The following CECR2 variants were observed in gnomAD, a reference collection of about 807,000 sequenced individuals.
CECR2 encodes the protein CECR2 histone acetyl-lysine reader, also known as chromatin remodeling regulator CECR2.
CECR2 carries 30 observed loss-of-function variants against 154.5 expected under a neutral mutation model. That is an observed-to-expected ratio of 0.19 (90% CI 0.15 to 0.26). The LOEUF (loss-of-function observed/expected upper bound fraction) is 0.26, where lower values mean the gene tolerates loss of function less well. Among genes scored for constraint, CECR2 ranks in the 10% least tolerant of loss-of-function variants. The pLI is 1.00. For missense variants in CECR2, 1,743 were observed against 1,829.3 expected (o/e 0.95, Z 0.86); for synonymous variants, 725 against 683.7 (o/e 1.06, Z -0.94).
At chr22:17,549,699 A>C in intron 17 of CECR2, 135 bp downstream of exon 17, 1 of 702,530 alleles carries the variant, frequency 1.4e-6, no homozygotes, top group Non-Finnish European at 2.3e-6. Flanking sequence ...GGCGGCATCG[A>C]CCTCCCAGGC....
chr22:17,540,777 C>G lies in CECR2; in HGVS notation c.1861C>G (p.Gln621Glu). 6.3e-7 allele frequency: 1 copy of G among 1,582,850 alleles called. No homozygotes were observed. The highest frequency in any genetic ancestry group is 8.6e-7 in the Non-Finnish European group (1 of 1,164,174). Residue 621 changes from glutamine (Q) to glutamate (E), a missense_variant, in exon 14 of 19, where the codon CAG becomes GAG. Around this residue, in one of 4 missense-constraint regions of CECR2, gnomAD observed 1,250 missense variants for 1,192.1 expected, o/e 1.05. Transcript: ENST00000262608. ...CCTGCATTGTGGTGGGACACCCAGC[C>G]AGGCACCCTTTTTAAACCAGATGGT... ...HPLHCGGTPSQAPFLNQMRPA... is the reference protein window; with the variant it reads ...HPLHCGGTPSEAPFLNQMRPA...
In CECR2 at chr22:17,433,074, A is replaced by G. The variant is rs1240906729; in HGVS notation, c.127-44514A>G. 5.3e-5 allele frequency among the ~76,000 whole-genome samples: 8 copies of G among 152,332 alleles called. No individual in the cohort carries two copies. In the East Asian group the frequency reaches 1.5e-3, roughly 29 times the overall value. ...ACATTTCTGGTTGCCTAAGTACTGC[A>G]CTGATTTTTGGGTGGAATCCTTTAT... On this transcript the variant is annotated intron_variant, in intron 1 of 18. Transcript: ENST00000262608.
At chr22:17,481,857 C>A (rs1405891440) in intron 2 of CECR2, among the ~76,000 whole-genome samples, 3 of 152,128 alleles carry the variant, frequency 2.0e-5, no homozygotes, top group Admixed American at 1.3e-4. Flanking sequence ...TGGCTCACGC[C>A]TGTAATCCTA....
At chr22:17,453,675 C>T (rs1307854521) in intron 1 of CECR2, among the ~76,000 whole-genome samples, 1 of 152,056 alleles carries the variant, frequency 6.6e-6, no homozygotes, top group Non-Finnish European at 1.5e-5. Context: ...ATGACTGGCA[C>T]AAGAATTATA....
intron 1 of CECR2, among the ~76,000 whole-genome samples, chr22:17,438,268 G>A (rs5746380): frequency 0.14 from 20,867 of 152,146 alleles, 1,673 homozygotes; most frequent in South Asian, 0.25. Context: ...TGTGTTTATT[G>A]TAGACAAGCT....
At position 17,370,357 on chromosome 22, in the gene CECR2, C is replaced by G. The variant is rs1280472406; in HGVS notation, c.126+448C>G. ...CGCGCGGGATTAACTCGGACCGGGGCGGGAGTCGGCCGCGGCCGGCGGGGA... is the reference window on the plus strand; with the variant it reads ...CGCGCGGGATTAACTCGGACCGGGGGGGGAGTCGGCCGCGGCCGGCGGGGA... On this transcript the variant is annotated intron_variant, in intron 1 of 18. Transcript: ENST00000262608. Among the ~76,000 whole-genome samples, 488 of 146,374 alleles carry G rather than the reference C, an allele frequency of 3.3e-3. 4 individuals carry two copies. Among genetic ancestry groups the G allele is most frequent in the African/African-American group, 0.012 (458 of 39,126 alleles).
At chr22:17,364,719 C>A (rs2062992989), upstream of CECR2, among the ~76,000 whole-genome samples, 1 of 152,080 alleles carries the variant, frequency 6.6e-6, no homozygotes, top group Non-Finnish European at 1.5e-5. Context: ...TGCCACGCAC[C>A]TATAGGCTGA....
At chr22:17,490,309 G>C (rs1254992224) in intron 2 of CECR2, among the ~76,000 whole-genome samples, 1 of 151,980 alleles carries the variant, frequency 6.6e-6, no homozygotes, top group East Asian at 1.9e-4. Context: ...ATAGTCCTGG[G>C]AAGTTGTTCC....
chr22:17,366,984 T>C (rs780784541), upstream of CECR2, among the ~76,000 whole-genome samples: 2 of 152,012 alleles, frequency 1.3e-5, no homozygotes, highest in Non-Finnish European at 2.9e-5. Context: ...GGGTCTAAAG[T>C]TGGTGTGCTG....
rs564089805 is a variant in CECR2, at chr22:17,419,749, T to G, written c.126+49840T>G. ...TAAATTTGGTCCCAACAAGATGACA[T>G]AGGTTTGTAAAAAGATGATGGGGAT... On this transcript the variant is annotated intron_variant, in intron 1 of 18. Transcript: ENST00000262608. 9 of 200,646 alleles carry G rather than the reference T, an allele frequency of 4.5e-5. No homozygotes were observed. In the East Asian group the frequency reaches 1.0e-3, roughly 22 times the overall value. 12.4% of individuals were successfully genotyped at this position (200,646 alleles called of 1,614,324 possible).
At chr22:17,360,979 A>G (rs551200406) in intron 1 of CECR2, among the ~76,000 whole-genome samples, 1 of 152,148 alleles carries the variant, frequency 6.6e-6, no homozygotes, top group African/African-American at 2.4e-5. Flanking sequence ...TCTGGGCAAC[A>G]TGGTGAAACC....
intron 1 of CECR2, among the ~76,000 whole-genome samples, chr22:17,411,520 C>G (rs1020705697): frequency 6.6e-6 from 1 of 151,972 alleles, no homozygotes; most frequent in Non-Finnish European, 1.5e-5. Flanking sequence ...CGGGCTGGGT[C>G]GGATAGATTT....
At chr22:17,389,196 G>C (rs1413666441) in intron 1 of CECR2, among the ~76,000 whole-genome samples, 1 of 152,114 alleles carries the variant, frequency 6.6e-6, no homozygotes, top group Non-Finnish European at 1.5e-5. Flanking sequence ...TCCCTACCCA[G>C]ATTCCCCACG....
chr22:17,554,961 C>G lies in CECR2; in HGVS notation c.*2121C>G, dbSNP rs2056757392. 1.3e-5 allele frequency: 2 copies of G among 152,266 alleles called. No individual in the cohort carries two copies. The highest frequency in any genetic ancestry group is 4.1e-4 in the South Asian group (2 of 4,834). 9.4% of individuals were successfully genotyped at this position (152,266 alleles called of 1,614,324 possible). Reference sequence around the variant, plus strand: ...GCCCAGAGAATTTGGCCACTGACAGCCTTTCTCTTTTCCTGGTAATGCTGG... The same window carrying G: ...GCCCAGAGAATTTGGCCACTGACAGGCTTTCTCTTTTCCTGGTAATGCTGG... On this transcript the variant is annotated 3_prime_UTR_variant, in exon 19 of 19. Coordinates refer to ENST00000262608, the MANE Select transcript of CECR2 (RefSeq NM_001290047.2).
intron 1 of CECR2, among the ~76,000 whole-genome samples, chr22:17,411,278 G>C (rs967420372): frequency 6.6e-6 from 1 of 152,116 alleles, no homozygotes; most frequent in African/African-American, 2.4e-5. Context: ...ACACCTGGAG[G>C]GCAAATCTTG....
In CECR2 at chr22:17,553,014, T is replaced by TGGCCGGGCGCGGTGGCTCACGCCTG; in HGVS notation, c.*174_*175insGGCCGGGCGCGGTGGCTCACGCCTG. On this transcript the variant is annotated 3_prime_UTR_variant, in exon 19 of 19. Transcript: ENST00000262608. Reference sequence around the variant, plus strand: ...GTCACGGGCCCTAAAAGGACACTCCTTAGATGACTGACACACAGATTGCAA... The same window carrying TGGCCGGGCGCGGTGGCTCACGCCTG: ...GTCACGGGCCCTAAAAGGACACTCCTGGCCGGGCGCGGTGGCTCACGCCTGTAGATGACTGACACACAGATTGCAA... 7.1e-7 allele frequency: 1 copy of TGGCCGGGCGCGGTGGCTCACGCCTG among 1,403,068 alleles called. No homozygotes were observed. Among genetic ancestry groups the TGGCCGGGCGCGGTGGCTCACGCCTG allele is most frequent in the Non-Finnish European group, 9.3e-7 (1 of 1,077,028 alleles). The allele number at this position is 1,403,068 out of a possible 1,614,324, so 86.9% of individuals were successfully genotyped here. A position where few individuals can be genotyped will look rare whatever the true frequency, so the allele number is the denominator to read the frequency against.
chr22:17,511,683 G>A, intron 7 of CECR2, 130 bp from the exon 8 acceptor site: 1 of 621,102 alleles, frequency 1.6e-6, no homozygotes, highest in South Asian at 2.3e-5. Flanking sequence ...ATTGTCCTAA[G>A]GAAGCCTTTG....
chr22:17,551,931 G>C (rs996911926), intron 17 of CECR2, 100 bp from the exon 18 acceptor site: 5 of 1,083,552 alleles, frequency 4.6e-6, no homozygotes, highest in African/African-American at 1.6e-5. Flanking sequence ...CCTGATCACC[G>C]GGGTGATGAA....
intron 1 of CECR2, among the ~76,000 whole-genome samples, chr22:17,382,820 G>A (rs75276584): frequency 3.3e-4 from 50 of 152,196 alleles, no homozygotes; most frequent in African/African-American, 6.7e-4. Context: ...TGGGAGGATC[G>A]CTTGAGTCCA....
Sources: gnomAD v4.1 joint callset for allele counts (sites outside exome capture counted in the v4.1 genomes callset) on GRCh38, gnomAD v4.1.1 for gene constraint, gnomAD v4.1.1 regional missense constraint, MANE v1.5 for transcripts, NCBI Gene and HGNC (gene_info 2026-07-23, HGNC 2026-07-21) for gene names.